The following PARD3B variants were observed in gnomAD, a reference collection of about 807,000 sequenced individuals.
PARD3B encodes the protein partitioning defective 3 homolog B.
Under a neutral mutation model 130.2 loss-of-function variants are expected in PARD3B, and 103 were observed. The ratio of observed to expected loss-of-function variants is 0.79; its 90% CI spans 0.67 to 0.93. The LOEUF (loss-of-function observed/expected upper bound fraction) is 0.93. Ranked by LOEUF, PARD3B falls within the 40% of genes least tolerant of loss-of-function variation. The pLI is 0.00. For synonymous variants in PARD3B, 583 were observed against 553.2 expected (o/e 1.05, Z -0.76); for missense variants, 1,609 against 1,499.2 (o/e 1.07, Z -1.21).
chr2:205,089,879 A>G (rs1701994715), intron 4 of PARD3B, among the ~76,000 whole-genome samples: 1 of 152,192 alleles, frequency 6.6e-6, no homozygotes, highest in Non-Finnish European at 1.5e-5. Context: ...ATCCACAGAA[A>G]ATTAACCAAT....
chr2:205,269,351 C>T lies in PARD3B; in HGVS notation c.2185+23529C>T, dbSNP rs1472001535. 6.6e-6 allele frequency among the ~76,000 whole-genome samples: 1 copy of T among 152,028 alleles called. No individual in the cohort carries two copies. The highest frequency in any genetic ancestry group is 1.5e-5 in the Non-Finnish European group (1 of 68,002). Reference sequence around the variant, plus strand: ...AAATAGACTTATTTCAAACTGTTTCCCAATTTCAATTTATTCATCCTTTTT... The same window carrying T: ...AAATAGACTTATTTCAAACTGTTTCTCAATTTCAATTTATTCATCCTTTTT... On this transcript the variant is annotated intron_variant, in intron 16 of 22. Coordinates refer to ENST00000406610, the MANE Select transcript of PARD3B (RefSeq NM_001302769.2). This position sits in a 1 kb window ranked among gnomAD's most constrained non-coding sequence, Gnocchi z 4.7.
chr2:204,876,653 C>T (rs1451486629), intron 2 of PARD3B, among the ~76,000 whole-genome samples: 1 of 152,084 alleles, frequency 6.6e-6, no homozygotes, highest in Non-Finnish European at 1.5e-5. Context: ...ATATAGAACC[C>T]TCTTTTGAGG....
At chr2:204,854,627 A>C (rs1000109804) in intron 2 of PARD3B, among the ~76,000 whole-genome samples, 3 of 152,216 alleles carry the variant, frequency 2.0e-5, no homozygotes, top group African/African-American at 7.2e-5. Context: ...CTGAGCACAT[A>C]GCAGATACTC....
At chr2:205,596,218 A>G (rs1430892354) in intron 22 of PARD3B, among the ~76,000 whole-genome samples, 1 of 152,228 alleles carries the variant, frequency 6.6e-6, no homozygotes, top group African/African-American at 2.4e-5. Context: ...CCAAGGCAGG[A>G]TGGGGGAAAT....
chr2:205,063,778 T>G (rs1700196018), intron 4 of PARD3B, among the ~76,000 whole-genome samples: 1 of 152,156 alleles, frequency 6.6e-6, no homozygotes, highest in Non-Finnish European at 1.5e-5. Flanking sequence ...AATGTACATA[T>G]CTTGGATAAG....
At chr2:204,581,815 A>G (rs2032572497) in intron 1 of PARD3B, among the ~76,000 whole-genome samples, 1 of 152,194 alleles carries the variant, frequency 6.6e-6, no homozygotes, top group Non-Finnish European at 1.5e-5. Context: ...GGATGATTGC[A>G]TCCTACAAAG....
chr2:205,094,147 C>T (rs922840983), intron 4 of PARD3B, among the ~76,000 whole-genome samples: 2 of 152,170 alleles, frequency 1.3e-5, no homozygotes, highest in African/African-American at 4.8e-5. Context: ...GAAGAAAACC[C>T]TTCCCCAAAT....
chr2:205,040,719 A>C (rs1253494599), intron 3 of PARD3B, among the ~76,000 whole-genome samples: 1 of 152,178 alleles, frequency 6.6e-6, no homozygotes, highest in African/African-American at 2.4e-5. Context: ...CAATGTAAAA[A>C]ATTTACCAAC....
intron 2 of PARD3B, among the ~76,000 whole-genome samples, chr2:204,744,881 C>G (rs1434041072): frequency 6.6e-6 from 1 of 152,012 alleles, no homozygotes; most frequent in Non-Finnish European, 1.5e-5. Context: ...AACCCATTCC[C>G]CTCCAGTAAA....
intron 16 of PARD3B, among the ~76,000 whole-genome samples, chr2:205,255,788 C>G (rs2040057005): frequency 6.6e-6 from 1 of 152,182 alleles, no homozygotes; most frequent in Non-Finnish European, 1.5e-5. Context: ...CTTCCATGCA[C>G]TCTCTCCAGG....
chr2:204,746,443 C>T (rs1426007161), intron 2 of PARD3B, among the ~76,000 whole-genome samples: 4 of 151,984 alleles, frequency 2.6e-5, no homozygotes, highest in African/African-American at 4.8e-5. Flanking sequence ...AATAAACATA[C>T]GTGTGCATGT....
chr2:204,644,580 TTAGA>T (rs2125158657), intron 1 of PARD3B, among the ~76,000 whole-genome samples: 1 of 152,174 alleles, frequency 6.6e-6, no homozygotes, highest in East Asian at 1.9e-4. Flanking sequence ...TTTTCCCTAG[TTAGA>T]GAGTTAGAAT....
Position 205,448,948 on chromosome 2 carries a change from C to T in PARD3B, c.3044+8276C>T, listed in dbSNP as rs557250594. Among the ~76,000 whole-genome samples the T allele has an allele frequency of 2.4e-4, 37 of 152,068 alleles. No individual in the cohort carries two copies. The South Asian group carries it at 7.3e-3, about 30-fold the overall frequency. On this transcript the variant is annotated intron_variant, in intron 20 of 22. Coordinates refer to ENST00000406610, the MANE Select transcript of PARD3B (RefSeq NM_001302769.2). Reference sequence around the variant, plus strand: ...TTGGGAGGCCGAGGCGGGTAGATCACCTGAGGTCAGGAGTTCGAGACCAGC... The same window carrying T: ...TTGGGAGGCCGAGGCGGGTAGATCATCTGAGGTCAGGAGTTCGAGACCAGC...
chr2:205,193,170 T>C, intron 14 of PARD3B, 35 bp from the exon 15 acceptor site: 1 of 1,462,674 alleles, frequency 6.8e-7, no homozygotes, highest in Non-Finnish European at 9.6e-7. Context: ...GATTTTATTC[T>C]AAACCTAAAT....
In PARD3B at chr2:205,182,828, C is replaced by T. The variant is rs139681119; in HGVS notation, c.1925-2936C>T. 9.2e-3 allele frequency among the ~76,000 whole-genome samples: 1,402 copies of T among 152,228 alleles called. 37 individuals carry two copies. Among genetic ancestry groups the T allele is most frequent in the Admixed American group, 0.054 (826 of 15,292 alleles). On this transcript the variant is annotated intron_variant, in intron 13 of 22. Transcript: ENST00000406610. ...TCCTTCCACTGGTGGCTGGGCACCTCGTCACCTGGCTTTCAGGTGATGTAG... is the reference window on the plus strand; with the variant it reads ...TCCTTCCACTGGTGGCTGGGCACCTTGTCACCTGGCTTTCAGGTGATGTAG...
At chr2:204,586,082 C>T (rs1450732455) in intron 1 of PARD3B, among the ~76,000 whole-genome samples, 1 of 152,236 alleles carries the variant, frequency 6.6e-6, no homozygotes. Flanking sequence ...GCTGTTATAA[C>T]AGTAGCTCCC....
chr2:205,219,161 A>G (rs768209779), intron 15 of PARD3B, among the ~76,000 whole-genome samples: 3 of 152,024 alleles, frequency 2.0e-5, no homozygotes, highest in Non-Finnish European at 2.9e-5. Context: ...AATGTTTTCT[A>G]TTAGCTCAAC....
rs972909488 is a variant in PARD3B, at chr2:205,405,578, T to C, written c.2741+4455T>C. Among the ~76,000 whole-genome samples the C allele has an allele frequency of 2.0e-5, 3 of 152,172 alleles. No individual in the cohort carries two copies. The highest frequency in any genetic ancestry group is 7.2e-5 in the African/African-American group (3 of 41,450). ...GGTACCCAAACATTACTGATGAATA[T>C]CCCATCAATCTAAGCTTGCAAGAAT... On this transcript the variant is annotated intron_variant, in intron 19 of 22. Transcript: ENST00000406610. The surrounding 1 kb of genome is among the most constrained non-coding windows in gnomAD (Gnocchi z 4.1).
At chr2:205,076,167 G>A (rs1442705315) in intron 4 of PARD3B, among the ~76,000 whole-genome samples, 1 of 152,118 alleles carries the variant, frequency 6.6e-6, no homozygotes, top group Admixed American at 6.6e-5. Context: ...CACAGTGCAG[G>A]TTTAAAGCTG....
Sources: allele counts gnomAD v4.1 joint callset (sites outside exome capture counted in the v4.1 genomes callset), GRCh38; gene constraint gnomAD v4.1.1; non-coding constraint Gnocchi (gnomAD v3.1); transcripts MANE v1.5; gene names NCBI Gene and HGNC (gene_info 2026-07-23, HGNC 2026-07-21).